The following SORCS1 variants were observed in gnomAD, a reference collection of about 807,000 sequenced individuals.
The protein encoded by SORCS1 is VPS10 domain-containing receptor SorCS1.
Under a neutral mutation model 146.1 loss-of-function variants are expected in SORCS1, and 60 were observed. The observed-to-expected ratio is 0.41, with a 90% CI of 0.33 to 0.51. The LOEUF (loss-of-function observed/expected upper bound fraction) is 0.51. Ranked by LOEUF, SORCS1 falls within the 20% of genes least tolerant of loss-of-function variation. The pLI is 0.21. For synonymous variants in SORCS1, 637 were observed against 584.0 expected (o/e 1.09, Z -1.31); for missense variants, 1,352 against 1,487.6 (o/e 0.91, Z 1.50).
At chr10:106,587,051 A>G (rs375267877) in intron 24 of SORCS1, among the ~76,000 whole-genome samples, 157 of 152,348 alleles carry the variant, frequency 1.0e-3, no homozygotes, top group African/African-American at 3.4e-3. Flanking sequence ...ATTTAGATAT[A>G]TATCTACATG....
At chr10:107,111,583 A>T (rs1380124293) in intron 1 of SORCS1, among the ~76,000 whole-genome samples, 1 of 152,182 alleles carries the variant, frequency 6.6e-6, no homozygotes, top group African/African-American at 2.4e-5. Context: ...ATGGGACAAA[A>T]ATCAATTGTA....
intron 9 of SORCS1, among the ~76,000 whole-genome samples, chr10:106,696,055 A>G (rs137949482): frequency 6.6e-6 from 1 of 152,316 alleles, no homozygotes; most frequent in Non-Finnish European, 1.5e-5. Flanking sequence ...ATCCATCTAC[A>G]TGTTTATACA....
intron 8 of SORCS1, among the ~76,000 whole-genome samples, chr10:106,700,515 C>T (rs140221134): frequency 5.4e-4 from 83 of 152,298 alleles, no homozygotes; most frequent in Admixed American, 1.2e-3. Flanking sequence ...TTCTTGTTTT[C>T]GGCATCACTT....
intron 13 of SORCS1, 54 bp from the exon 14 acceptor site, chr10:106,675,210 A>G (rs986458014): frequency 3.0e-6 from 4 of 1,351,392 alleles, no homozygotes; most frequent in South Asian, 2.4e-5. Flanking sequence ...AAAAAATGTC[A>G]TTTCAAAGGA....
chr10:107,078,119 T>C (rs1302321464), intron 1 of SORCS1, among the ~76,000 whole-genome samples: 1 of 152,328 alleles, frequency 6.6e-6, no homozygotes, highest in East Asian at 1.9e-4. Context: ...GTCCTTCCAA[T>C]GTGATGTACA....
intron 17 of SORCS1, among the ~76,000 whole-genome samples, chr10:106,655,045 T>C (rs990156136): frequency 6.6e-6 from 1 of 152,076 alleles, no homozygotes; most frequent in East Asian, 1.9e-4. Context: ...TTAGTAGAGA[T>C]GGCATTTCAC....
intron 17 of SORCS1, among the ~76,000 whole-genome samples, chr10:106,655,945 T>C (rs1331984035): frequency 6.6e-6 from 1 of 152,230 alleles, no homozygotes; most frequent in African/African-American, 2.4e-5. Flanking sequence ...AGGCAACTTA[T>C]GATTATGTTG....
At chr10:106,585,407 T>A (rs1209195158) in intron 24 of SORCS1, among the ~76,000 whole-genome samples, 1 of 152,098 alleles carries the variant, frequency 6.6e-6, no homozygotes, top group East Asian at 1.9e-4. Context: ...ATTTTCTGGA[T>A]CACTAAAACA....
At chr10:107,147,138 G>T (rs144720280) in intron 1 of SORCS1, among the ~76,000 whole-genome samples, 1 of 152,134 alleles carries the variant, frequency 6.6e-6, no homozygotes, top group African/African-American at 2.4e-5. Flanking sequence ...GAAAGAAAAC[G>T]TAAGTTTAAC....
chr10:106,689,106 C>T (rs923702997), intron 9 of SORCS1, among the ~76,000 whole-genome samples: 1 of 152,172 alleles, frequency 6.6e-6, no homozygotes, highest in African/African-American at 2.4e-5. Context: ...GTTTTTATAA[C>T]ATGGTTGTTC....
intron 1 of SORCS1, among the ~76,000 whole-genome samples, chr10:107,149,487 C>T (rs1361939070): frequency 6.6e-6 from 1 of 152,176 alleles, no homozygotes; most frequent in African/African-American, 2.4e-5. Context: ...AAAACAACCA[C>T]TGTTAAGGCT....
Position 107,160,073 on chromosome 10 carries a change from A to G in SORCS1, c.558+3896T>C, listed in dbSNP as rs558057795. 1.6e-4 allele frequency among the ~76,000 whole-genome samples: 25 copies of G among 152,350 alleles called. No homozygotes were observed. In the South Asian group the frequency reaches 4.6e-3, roughly 28 times the overall value. ...TGGATGAGAGAACAACCAAAGCACT[A>G]CTTAAGGTAAAGGGTGCAATGTGAC... On this transcript the variant is annotated intron_variant, in intron 1 of 25. Transcript: ENST00000263054.
intron 1 of SORCS1, among the ~76,000 whole-genome samples, chr10:107,002,012 G>GA (rs896593299): frequency 2.0e-5 from 3 of 151,954 alleles, no homozygotes; most frequent in African/African-American, 7.3e-5. Context: ...GATTCTGAAG[G>GA]AAAAAATATC....
At chr10:106,833,995 G>A (rs549881139) in intron 2 of SORCS1, among the ~76,000 whole-genome samples, 4 of 152,132 alleles carry the variant, frequency 2.6e-5, no homozygotes, top group South Asian at 4.2e-4. Flanking sequence ...GGGTTTCACC[G>A]TGTTAGCCAG....
chr10:106,752,859 C>T (rs1286749677), intron 5 of SORCS1, among the ~76,000 whole-genome samples: 1 of 152,044 alleles, frequency 6.6e-6, no homozygotes, highest in Non-Finnish European at 1.5e-5. Context: ...AGAGGTAAGA[C>T]AGCAGAGATA....
At chr10:107,096,273 G>A (rs1161843516) in intron 1 of SORCS1, among the ~76,000 whole-genome samples, 1 of 152,188 alleles carries the variant, frequency 6.6e-6, no homozygotes, top group Non-Finnish European at 1.5e-5. Flanking sequence ...TTTGTGCTTT[G>A]CTTTAACAAG....
At chr10:107,108,459 G>A (rs1307520159) in intron 1 of SORCS1, among the ~76,000 whole-genome samples, 5 of 152,024 alleles carry the variant, frequency 3.3e-5, no homozygotes, top group African/African-American at 9.7e-5. Flanking sequence ...GTAGTGGTGA[G>A]GTGCCACACA....
chr10:106,935,302 T>C (rs184897934), intron 2 of SORCS1, among the ~76,000 whole-genome samples: 1 of 152,268 alleles, frequency 6.6e-6, no homozygotes, highest in East Asian at 1.9e-4. Flanking sequence ...CAAATTATTA[T>C]TATCCCTAAT....
chr10:106,624,113 T>A (rs1847927452), intron 19 of SORCS1, among the ~76,000 whole-genome samples: 1 of 152,100 alleles, frequency 6.6e-6, no homozygotes, highest in Non-Finnish European at 1.5e-5. Context: ...CAGAAGTCGG[T>A]GACAGAGTGC....
Sources: gnomAD v4.1 joint callset for allele counts (sites outside exome capture counted in the v4.1 genomes callset) on GRCh38, gnomAD v4.1.1 for gene constraint, MANE v1.5 for transcripts, NCBI Gene and HGNC (gene_info 2026-07-23, HGNC 2026-07-21) for gene names.